OPCML: variants seen among roughly 807,000 people sequenced by gnomAD.
OPCML encodes the protein opioid binding protein/cell adhesion molecule like.
Under a neutral mutation model 37.8 loss-of-function variants are expected in OPCML, and 13 were observed. That is an observed-to-expected ratio of 0.34 (90% CI 0.22 to 0.55). The LOEUF (loss-of-function observed/expected upper bound fraction) is 0.55, where lower values mean the gene tolerates loss of function less well. Ranked by LOEUF, OPCML falls within the 20% of genes least tolerant of loss-of-function variation. OPCML has a pLI of 0.91. For synonymous variants in OPCML, 176 were observed against 168.8 expected (o/e 1.04, Z -0.33); for missense variants, 341 against 435.6 (o/e 0.78, Z 1.93).
intron 1 of OPCML, among the ~76,000 whole-genome samples, chr11:133,092,369 G>A (rs1199879417): frequency 2.6e-5 from 4 of 152,176 alleles, no homozygotes; most frequent in Non-Finnish European, 2.9e-5. Context: ...ACAAAGTGGA[G>A]CCCTTCCCTG....
At chr11:132,500,880 G>A (rs558935080) in intron 4 of OPCML, among the ~76,000 whole-genome samples, 2 of 152,154 alleles carry the variant, frequency 1.3e-5, no homozygotes, top group Non-Finnish European at 2.9e-5. Flanking sequence ...CAAAGGACAT[G>A]AACTTATTCT....
chr11:133,213,462 A>T (rs1300848341), intron 1 of OPCML, among the ~76,000 whole-genome samples: 2 of 152,226 alleles, frequency 1.3e-5, no homozygotes, highest in Non-Finnish European at 1.5e-5. Context: ...CATTATTTCA[A>T]GTGTGACTGT....
At chr11:132,612,684 C>A (rs1454386575) in intron 3 of OPCML, among the ~76,000 whole-genome samples, 1 of 152,094 alleles carries the variant, frequency 6.6e-6, no homozygotes, top group East Asian at 1.9e-4. Context: ...AGCAGGTAAA[C>A]CAGAAACAAA....
intron 1 of OPCML, among the ~76,000 whole-genome samples, chr11:133,334,025 C>A (rs888883697): frequency 2.6e-5 from 4 of 152,208 alleles, no homozygotes; most frequent in African/African-American, 9.6e-5. Flanking sequence ...GAAAAGGGAA[C>A]CCTTACACAC....
intron 1 of OPCML, among the ~76,000 whole-genome samples, chr11:133,389,733 T>G (rs1450645480): frequency 6.6e-6 from 1 of 152,220 alleles, no homozygotes; most frequent in Non-Finnish European, 1.5e-5. Flanking sequence ...GGGACATTCT[T>G]TGAAATGGTC....
intron 2 of OPCML, among the ~76,000 whole-genome samples, chr11:132,782,706 C>G (rs2136155415): frequency 6.6e-6 from 1 of 152,028 alleles, no homozygotes; most frequent in Non-Finnish European, 1.5e-5. Context: ...AATCACTTCT[C>G]TCATTTCTTT....
intron 1 of OPCML, among the ~76,000 whole-genome samples, chr11:133,054,008 A>T (rs1948177731): frequency 1.3e-5 from 2 of 152,144 alleles, no homozygotes; most frequent in Admixed American, 6.5e-5. Context: ...CACCATTGCC[A>T]TTCTTACTTT....
At chr11:133,030,504 T>C (rs1490747909) in intron 1 of OPCML, among the ~76,000 whole-genome samples, 1 of 152,148 alleles carries the variant, frequency 6.6e-6, no homozygotes, top group Admixed American at 6.5e-5. Context: ...GACAGAACAC[T>C]GTGTCCCATC....
chr11:132,881,009 C>T (rs1347363917), intron 2 of OPCML, among the ~76,000 whole-genome samples: 1 of 152,164 alleles, frequency 6.6e-6, no homozygotes, highest in African/African-American at 2.4e-5. Flanking sequence ...AGTGTTTTTA[C>T]AAGTCTGACC....
chr11:132,637,608 C>T (rs917696944), intron 3 of OPCML, among the ~76,000 whole-genome samples: 6 of 152,016 alleles, frequency 3.9e-5, no homozygotes, highest in Non-Finnish European at 7.4e-5. Flanking sequence ...AGACTTTGGT[C>T]TTTGCTTGGA....
At chr11:132,715,643 T>C (rs1051836629) in intron 2 of OPCML, among the ~76,000 whole-genome samples, 6 of 152,218 alleles carry the variant, frequency 3.9e-5, no homozygotes, top group African/African-American at 1.4e-4. Context: ...CATGTGAGGT[T>C]ACAATGAGAA....
chr11:132,778,496 C>T (rs2136142947), intron 2 of OPCML, among the ~76,000 whole-genome samples: 1 of 152,306 alleles, frequency 6.6e-6, no homozygotes, highest in South Asian at 2.1e-4. Flanking sequence ...ATAGCATTTA[C>T]TGTTATATAA....
intron 7 of OPCML, among the ~76,000 whole-genome samples, chr11:132,430,393 C>T (rs1222376383): frequency 6.6e-6 from 1 of 152,156 alleles, no homozygotes; most frequent in Non-Finnish European, 1.5e-5. Context: ...AGATGAGAGC[C>T]GCTGCCTGGT....
intron 1 of OPCML, among the ~76,000 whole-genome samples, chr11:133,314,036 C>T (rs7930036): frequency 2.0e-5 from 3 of 150,366 alleles, no homozygotes; most frequent in Non-Finnish European, 4.4e-5. Context: ...GAGATCGAGA[C>T]CATCCCGGCT....
intron 3 of OPCML, among the ~76,000 whole-genome samples, chr11:132,582,333 G>A (rs375560088): frequency 1.3e-5 from 2 of 151,814 alleles, no homozygotes; most frequent in African/African-American, 2.4e-5. Context: ...CAAGTTGAAG[G>A]TCAAACAATA....
intron 2 of OPCML, among the ~76,000 whole-genome samples, chr11:132,665,768 T>C (rs1162278309): frequency 6.6e-6 from 1 of 152,154 alleles, no homozygotes; most frequent in Non-Finnish European, 1.5e-5. Flanking sequence ...ATCACATTAC[T>C]AGTTTCCCAA....
At chr11:132,785,293 A>G (rs1414760709) in intron 2 of OPCML, among the ~76,000 whole-genome samples, 1 of 152,178 alleles carries the variant, frequency 6.6e-6, no homozygotes, top group Non-Finnish European at 1.5e-5. Context: ...TATGAGCTCT[A>G]TTTATCACAT....
At chr11:132,555,036 T>C (rs2096391874) in intron 3 of OPCML, among the ~76,000 whole-genome samples, 1 of 151,974 alleles carries the variant, frequency 6.6e-6, no homozygotes, top group Admixed American at 6.6e-5. Context: ...AAGAGATCCA[T>C]GGGAAAATGG....
chr11:133,093,623 C>T (rs1213611976), intron 1 of OPCML, among the ~76,000 whole-genome samples: 1 of 152,140 alleles, frequency 6.6e-6, no homozygotes, highest in Non-Finnish European at 1.5e-5. Flanking sequence ...GTCTCAAAAG[C>T]CAGTAGCAGG....
Sources: allele counts gnomAD v4.1 joint callset (sites outside exome capture counted in the v4.1 genomes callset), GRCh38; gene constraint gnomAD v4.1.1; transcripts MANE v1.5; gene names NCBI Gene and HGNC (gene_info 2026-07-23, HGNC 2026-07-21).